The following BCAT1 variants were observed in gnomAD, a reference collection of about 807,000 sequenced individuals.
BCAT1 encodes the protein branched-chain-amino-acid aminotransferase, cytosolic.
Under a neutral mutation model 52.4 loss-of-function variants are expected in BCAT1, and 48 were observed. That is an observed-to-expected ratio of 0.92 (90% CI 0.73 to 1.16). The LOEUF (loss-of-function observed/expected upper bound fraction) is 1.16, where lower values mean the gene tolerates loss of function less well. Ranked by LOEUF, BCAT1 falls within the 50% of genes most tolerant of loss-of-function variation. The pLI, the probability that BCAT1 is intolerant of heterozygous loss-of-function variation, is 0.00. For missense variants in BCAT1, 451 were observed against 457.1 expected (o/e 0.99, Z 0.12); for synonymous variants, 167 against 161.3 (o/e 1.04, Z -0.27).
chr12:24,860,355 T>G (rs572488889), intron 5 of BCAT1, among the ~76,000 whole-genome samples: 12 of 152,218 alleles, frequency 7.9e-5, no homozygotes, highest in Admixed American at 2.0e-4. Context: ...TTGCTTAAAA[T>G]GTTGCTGATC....
intron 5 of BCAT1, among the ~76,000 whole-genome samples, chr12:24,864,914 C>A (rs2139531895): frequency 6.6e-6 from 1 of 152,292 alleles, no homozygotes; most frequent in East Asian, 1.9e-4. Flanking sequence ...CAGGATTTGC[C>A]ACAGCTGCTT....
chr12:24,867,822 T>C (rs905566296), intron 5 of BCAT1, among the ~76,000 whole-genome samples: 2 of 152,080 alleles, frequency 1.3e-5, no homozygotes, highest in African/African-American at 4.8e-5. Flanking sequence ...CTGACCAACA[T>C]GGTGAAACCC....
In BCAT1 at chr12:24,814,206, A is replaced by G. The variant is rs1939790783; in HGVS notation, c.*3802T>C. On this transcript the variant is annotated 3_prime_UTR_variant, in exon 11 of 11. Coordinates refer to ENST00000261192, the MANE Select transcript of BCAT1 (RefSeq NM_005504.7). ...CGCATAAGAAGAAATCCACATTACA[A>G]GGAAAAGTACTTTGATAATTTTAGA... The G allele has an allele frequency of 6.6e-6, 1 of 152,152 alleles. No homozygotes were observed. The highest frequency in any genetic ancestry group is 2.4e-5 in the African/African-American group (1 of 41,456). The allele number at this position is 152,152 out of a possible 1,614,324, so 9.4% of individuals were successfully genotyped here. A position where few individuals can be genotyped will look rare whatever the true frequency, so the allele number is the denominator to read the frequency against.
intron 1 of BCAT1, among the ~76,000 whole-genome samples, chr12:24,904,976 C>A (rs185130738): frequency 1.3e-5 from 2 of 152,276 alleles, no homozygotes; most frequent in Admixed American, 1.3e-4. Context: ...AGCAAGTGAT[C>A]CTTGAGCAGA....
At position 24,892,797 on chromosome 12, in the gene BCAT1, G is replaced by A. The variant is rs1484589858; in HGVS notation, c.279+1478C>T. ...GAGCCCAGGAGTTTGAGGCTGCAGT[G>A]AGCCACGATCGTGCCACTGCACTCC... On this transcript the variant is annotated intron_variant, in intron 3 of 10. Transcript: ENST00000261192. Among the ~76,000 whole-genome samples the A allele has an allele frequency of 2.6e-5, 4 of 152,314 alleles. No homozygotes were observed. In the East Asian group the frequency reaches 5.8e-4, roughly 22 times the overall value.
At chr12:24,902,913 T>TC (rs757837648) in intron 1 of BCAT1, 2 of 1,509,968 alleles carry the variant, frequency 1.3e-6, no homozygotes, top group Admixed American at 2.0e-5. Flanking sequence ...GTTCCAATCC[T>TC]CCCCCCTTCC....
At chr12:24,860,990 T>C (rs1260579760) in intron 5 of BCAT1, among the ~76,000 whole-genome samples, 2 of 152,192 alleles carry the variant, frequency 1.3e-5, no homozygotes, top group Non-Finnish European at 2.9e-5. Context: ...TTTATACAAA[T>C]AACCAGGCCA....
chr12:24,941,308 T>G (rs1943844996), intron 1 of BCAT1, among the ~76,000 whole-genome samples: 1 of 152,166 alleles, frequency 6.6e-6, no homozygotes, highest in Non-Finnish European at 1.5e-5. Flanking sequence ...CTACATGAGT[T>G]TGCAGCTATA....
rs1025276634 is a variant in BCAT1, at chr12:24,850,437, G to A, written c.511-488C>T. On this transcript the variant is annotated intron_variant, in intron 5 of 10. Coordinates refer to ENST00000261192, the MANE Select transcript of BCAT1 (RefSeq NM_005504.7). ...GCAGGTGGTAGGTGCAGGCGAATGT[G>A]TCATTAGCACACCTGCCCACATCAA... Among the ~76,000 whole-genome samples, 4 of 152,210 alleles carry A rather than the reference G, an allele frequency of 2.6e-5. No individual in the cohort carries two copies. In the East Asian group the frequency reaches 7.7e-4, roughly 29 times the overall value.
chr12:24,882,852 C>T (rs374630249), intron 3 of BCAT1, among the ~76,000 whole-genome samples: 20 of 152,176 alleles, frequency 1.3e-4, no homozygotes, highest in East Asian at 9.7e-4. Context: ...GTGCCTGCCT[C>T]GGCCTCCCAA....
intron 1 of BCAT1, among the ~76,000 whole-genome samples, chr12:24,920,321 C>T (rs1305110418): frequency 2.0e-5 from 3 of 152,210 alleles, no homozygotes; most frequent in Admixed American, 6.5e-5. Context: ...AACTCCACCT[C>T]TCTGCAAACC....
intron 5 of BCAT1, among the ~76,000 whole-genome samples, chr12:24,865,228 G>A (rs547138001): frequency 6.6e-6 from 1 of 152,258 alleles, no homozygotes; most frequent in South Asian, 2.1e-4. Context: ...CTACATGCAT[G>A]ACTGTTTTAA....
chr12:24,819,784 A>G (rs1051445886), intron 10 of BCAT1, among the ~76,000 whole-genome samples: 1 of 152,210 alleles, frequency 6.6e-6, no homozygotes, highest in Non-Finnish European at 1.5e-5. Flanking sequence ...GCAAAGGGGA[A>G]TAAAGGAAGC....
intron 5 of BCAT1, among the ~76,000 whole-genome samples, chr12:24,853,759 T>C (rs375056873): frequency 6.6e-6 from 1 of 152,096 alleles, no homozygotes; most frequent in South Asian, 2.1e-4. Context: ...TGGATGACAA[T>C]AGCTGATGAA....
At chr12:24,910,879 C>G (rs925629332) in intron 1 of BCAT1, among the ~76,000 whole-genome samples, 1 of 152,010 alleles carries the variant, frequency 6.6e-6, no homozygotes, top group Non-Finnish European at 1.5e-5. Flanking sequence ...CCAAGGCGGC[C>G]GATCACCTGA....
At chr12:24,873,794 G>T (rs1041322427) in intron 5 of BCAT1, among the ~76,000 whole-genome samples, 3 of 152,098 alleles carry the variant, frequency 2.0e-5, no homozygotes, top group Admixed American at 6.5e-5. Context: ...TGAATTTCAG[G>T]TTGTTGTTTT....
Position 24,894,434 on chromosome 12 carries a change from T to C in BCAT1, c.120A>G (p.Glu40=), listed in dbSNP as rs550536696. 3.9e-4 allele frequency: 627 copies of C among 1,606,288 alleles called. 8 individuals carry two copies. In the South Asian group the frequency reaches 6.6e-3, roughly 17 times the overall value. The change falls in exon 3 of 11, where the codon GAA becomes GAG. Residue 40 remains glutamate (E), a synonymous_variant. Coordinates refer to ENST00000261192, the MANE Select transcript of BCAT1 (RefSeq NM_005504.7). ...LIVTPATILK[E]KPDPNNLVFG... is the part of the protein sequence containing the mutation. ...AAACCAGATTATTGGGGTCTGGTTTTTCCTTTAAAATGGTAGCTGGTGTGA... is the reference window on the plus strand; with the variant it reads ...AAACCAGATTATTGGGGTCTGGTTTCTCCTTTAAAATGGTAGCTGGTGTGA...
At chr12:24,898,520 C>CT (rs71448094) in intron 2 of BCAT1, among the ~76,000 whole-genome samples, 5,171 of 37,974 alleles carry the variant, frequency 0.14, 1,392 homozygotes, top group Middle Eastern at 0.2. Context: ...TCAGTCAACA[C>CT]TTTTTTTTTT....
chr12:24,906,730 C>T (rs1260063940), intron 1 of BCAT1, among the ~76,000 whole-genome samples: 1 of 152,190 alleles, frequency 6.6e-6, no homozygotes, highest in African/African-American at 2.4e-5. Flanking sequence ...CTTACTCCTG[C>T]TCTATGTAGT....
Sources: gnomAD v4.1 joint callset for allele counts (sites outside exome capture counted in the v4.1 genomes callset) on GRCh38, gnomAD v4.1.1 for gene constraint, MANE v1.5 for transcripts, NCBI Gene and HGNC (gene_info 2026-07-23, HGNC 2026-07-21) for gene names.